DPP8: variants seen among roughly 807,000 people sequenced by gnomAD.
The protein encoded by DPP8 is dipeptidyl peptidase 8.
A neutral mutation model predicts 107.5 loss-of-function variants in DPP8; 31 were observed. The ratio of observed to expected loss-of-function variants is 0.29; its 90% CI spans 0.22 to 0.39. The LOEUF is 0.39. Ranked by LOEUF, DPP8 falls within the 10% of genes least tolerant of loss-of-function variation. DPP8 has a pLI of 1.00. For missense variants in DPP8, 842 were observed against 1,076.1 expected, an observed-to-expected ratio of 0.78 and a Z score of 3.04; for synonymous variants, 381 against 356.6, an observed-to-expected ratio of 1.07 and a Z score of -0.77.
chr15:65,456,207 T>A lies in DPP8; in HGVS notation c.2118+18A>T. Reference sequence around the variant, plus strand: ...AATGTAAATGTCTGTAAAAGAAAAGTGTTTTATGCTCACACACCATTTTAT... The same window carrying A: ...AATGTAAATGTCTGTAAAAGAAAAGAGTTTTATGCTCACACACCATTTTAT... On this transcript the variant is annotated intron_variant, in intron 16 of 19. Transcript: ENST00000300141. 6.3e-7 allele frequency: 1 copy of A among 1,598,062 alleles called. No individual in the cohort carries two copies. Among genetic ancestry groups the A allele is most frequent in the Non-Finnish European group, 8.5e-7 (1 of 1,175,914 alleles).
chr15:65,511,396 G>A (rs2070746692), intron 2 of DPP8, among the ~76,000 whole-genome samples: 1 of 151,466 alleles, frequency 6.6e-6, no homozygotes, highest in Admixed American at 6.6e-5. Flanking sequence ...GTAAAATATG[G>A]CACAATTATA....
chr15:65,510,211 G>A (rs535369270), intron 2 of DPP8, among the ~76,000 whole-genome samples: 12 of 152,262 alleles, frequency 7.9e-5, no homozygotes, highest in African/African-American at 2.2e-4. Flanking sequence ...AGCCACTTGG[G>A]GGATTGAGGC....
chr15:65,459,941 C>T (rs918847620), intron 15 of DPP8, among the ~76,000 whole-genome samples: 28 of 150,974 alleles, frequency 1.9e-4, no homozygotes, highest in African/African-American at 5.4e-4. Context: ...GGCAACACAG[C>T]GAGACTCCAT....
intron 11 of DPP8, among the ~76,000 whole-genome samples, chr15:65,477,766 T>A (rs1456530924): frequency 6.6e-6 from 1 of 152,004 alleles, no homozygotes; most frequent in Non-Finnish European, 1.5e-5. Flanking sequence ...TCTCATGACC[T>A]TATGATCCGC....
intron 16 of DPP8, among the ~76,000 whole-genome samples, chr15:65,454,716 C>T (rs1270534085): frequency 2.0e-5 from 3 of 151,798 alleles, no homozygotes; most frequent in South Asian, 4.2e-4. Flanking sequence ...TTAGTAGAGA[C>T]GGAGTTTCAC....
At chr15:65,477,162 T>C (rs952431827) in intron 11 of DPP8, among the ~76,000 whole-genome samples, 8 of 152,166 alleles carry the variant, frequency 5.3e-5, no homozygotes, top group Admixed American at 5.2e-4. Context: ...GGCTCACGCT[T>C]GTAATCCCAG....
chr15:65,494,137 C>T (rs1596055325), intron 5 of DPP8, among the ~76,000 whole-genome samples: 1 of 122,394 alleles, frequency 8.2e-6, no homozygotes, highest in East Asian at 2.4e-4. Context: ...AAATTCAAAC[C>T]GGTTCTATAT....
chr15:65,499,070 A>AGT (rs56047613), intron 4 of DPP8, among the ~76,000 whole-genome samples: 6,633 of 129,676 alleles, frequency 0.051, 250 homozygotes, highest in Middle Eastern at 0.12. Context: ...CCAAAAAAAA[A>AGT]GTGTGTGTGT....
chr15:65,462,257 C>CA (rs1387679084), intron 15 of DPP8, among the ~76,000 whole-genome samples: 2 of 152,220 alleles, frequency 1.3e-5, no homozygotes, highest in Admixed American at 6.5e-5. Context: ...GCTTGAGCCA[C>CA]AGCGCCCGGC....
At chr15:65,460,619 T>C (rs912952006) in intron 15 of DPP8, among the ~76,000 whole-genome samples, 6 of 152,242 alleles carry the variant, frequency 3.9e-5, no homozygotes, top group Admixed American at 2.6e-4. Context: ...CTTAGCATAA[T>C]GCCCTCTAGG....
intron 14 of DPP8, among the ~76,000 whole-genome samples, chr15:65,466,243 A>G (rs1286866017): frequency 6.6e-6 from 1 of 152,098 alleles, no homozygotes; most frequent in Non-Finnish European, 1.5e-5. Context: ...GCTTCAAGTG[A>G]TTCTCATGCC....
At position 65,485,229 on chromosome 15, in the gene DPP8, T is replaced by A. The variant is rs533845266; in HGVS notation, c.956-69A>T. The A allele has an allele frequency of 3.4e-6, 4 of 1,182,986 alleles. No individual in the cohort carries two copies. The African/African-American group carries it at 4.5e-5, about 13-fold the overall frequency. 73.3% of individuals were successfully genotyped at this position (1,182,986 alleles called of 1,614,324 possible). On this transcript the variant is annotated intron_variant, in intron 7 of 19. Transcript: ENST00000300141. ...ACTCAAATTAATTTTGCCAGATCAA[T>A]CCTCTTTACACTTTAGTTAAGAATA... is the stretch of plus-strand genomic sequence containing the variant.
intron 1 of DPP8, chr15:65,517,037 A>G: frequency 6.5e-6 from 1 of 153,126 alleles, no homozygotes; most frequent in Non-Finnish European, 1.5e-5. Flanking sequence ...GAGGCAGGAG[A>G]GAAAAAAGAC....
intron 1 of DPP8, among the ~76,000 whole-genome samples, chr15:65,513,019 A>G (rs1596161853): frequency 6.6e-6 from 1 of 152,378 alleles, no homozygotes; most frequent in East Asian, 1.9e-4. Context: ...GCTAACAGAA[A>G]TAACCACAAC....
At chr15:65,482,839 G>A (rs2067052936) in intron 8 of DPP8, among the ~76,000 whole-genome samples, 1 of 152,016 alleles carries the variant, frequency 6.6e-6, no homozygotes, top group Non-Finnish European at 1.5e-5. Flanking sequence ...GCTCACACCT[G>A]TAATCCCAGC....
intron 12 of DPP8, among the ~76,000 whole-genome samples, chr15:65,472,003 A>T (rs1374351525): frequency 6.6e-6 from 1 of 152,196 alleles, no homozygotes; most frequent in Non-Finnish European, 1.5e-5. Context: ...CACATACAGG[A>T]TGGAGTTCCT....
chr15:65,500,073 A>AT (rs916016109), intron 4 of DPP8, among the ~76,000 whole-genome samples: 107 of 151,288 alleles, frequency 7.1e-4, no homozygotes, highest in African/African-American at 2.5e-3. Context: ...GTTTTTTTAA[A>AT]TTTTTTTTTG....
intron 12 of DPP8, among the ~76,000 whole-genome samples, chr15:65,467,913 A>C (rs2065502140): frequency 6.6e-6 from 1 of 152,182 alleles, no homozygotes; most frequent in Non-Finnish European, 1.5e-5. Flanking sequence ...TTTATTAGTT[A>C]GTGTTATATT....
At chr15:65,505,137 C>T (rs1181435124) in intron 3 of DPP8, among the ~76,000 whole-genome samples, 3 of 151,730 alleles carry the variant, frequency 2.0e-5, no homozygotes, top group African/African-American at 4.8e-5. Flanking sequence ...AGGCGGATCA[C>T]GAGGTCAGGA....
Sources: gnomAD v4.1 joint callset for allele counts (sites outside exome capture counted in the v4.1 genomes callset) on GRCh38, gnomAD v4.1.1 for gene constraint, MANE v1.5 for transcripts, NCBI Gene and HGNC (gene_info 2026-07-23, HGNC 2026-07-21) for gene names.